Variants in FGF13 observed in about 807,000 individuals in gnomAD.
The protein encoded by FGF13 is fibroblast growth factor 13.
A neutral mutation model predicts 19.5 loss-of-function variants in FGF13; 2 were observed. The observed-to-expected ratio is 0.10, with a 90% CI of 0.04 to 0.32. The LOEUF is 0.32. Ranked by LOEUF, FGF13 falls within the 10% of genes least tolerant of loss-of-function variation. The probability of loss-of-function intolerance (pLI) is 1.00; values close to 1 mark genes in which losing one functional copy is unlikely to be tolerated. For synonymous variants in FGF13, 72 were observed against 76.9 expected (o/e 0.94, Z 0.33); for missense variants, 113 against 192.7 (o/e 0.59, Z 2.45).
intron 3 of FGF13, among the ~76,000 whole-genome samples, chrX:138,828,528 C>T (rs1250167948): frequency 1.9e-5 from 2 of 105,709 alleles, no homozygotes; most frequent in Non-Finnish European, 3.9e-5. Flanking sequence ...CGAGATCGCG[C>T]CACTGCACTC....
intron 1 of FGF13, among the ~76,000 whole-genome samples, chrX:138,885,273 G>A (rs1343426161): frequency 9.0e-6 from 1 of 111,406 alleles, no homozygotes; most frequent in Admixed American, 9.6e-5. Context: ...TCAGGACCAT[G>A]AATGGAACCA....
chrX:139,054,897 G>GTAT lies in FGF13; in HGVS notation c.-113+148518_-113+148519insATA, dbSNP rs1556347214. On this transcript the variant is annotated intron_variant, in intron 1 of 2. Transcript: ENST00000421460. ...GTGTTGTGTTGTGTTGTGTTGTGTT[G>GTAT]TGTTGTATTGTATTGTATTGTATTG... Among the ~76,000 whole-genome samples, 695 of 102,579 alleles carry GTAT rather than the reference G, an allele frequency of 6.8e-3. 4 individuals are homozygous for GTAT. The highest frequency in any genetic ancestry group is 0.014 in the African/African-American group (376 of 26,106). The allele number at this position is 102,579 out of a possible 115,157, so 89.1% of individuals were successfully genotyped here.
chrX:138,930,523 C>A (rs1217019963), intron 1 of FGF13, among the ~76,000 whole-genome samples: 1 of 111,750 alleles, frequency 8.9e-6, no homozygotes, highest in Non-Finnish European at 1.9e-5. Context: ...GATGTATGAA[C>A]AAAAACCTAG....
At chrX:138,822,895 G>A (rs1184124390) in intron 3 of FGF13, among the ~76,000 whole-genome samples, 1 of 111,832 alleles carries the variant, frequency 8.9e-6, no homozygotes, top group African/African-American at 3.3e-5. Context: ...TCCAAGTGTA[G>A]CAAATGGAAA....
chrX:138,784,119 A>G (rs535007980), intron 3 of FGF13, among the ~76,000 whole-genome samples: 2 of 89,936 alleles, frequency 2.2e-5, no homozygotes, highest in African/African-American at 8.2e-5. Context: ...GAACAATGAG[A>G]TCACATGGAC....
rs144738524 is a variant in FGF13, at chrX:138,732,695, C to T, written c.28+6547G>A. Among the ~76,000 whole-genome samples, 32 of 110,824 alleles carry T rather than the reference C, an allele frequency of 2.9e-4. No individual in the cohort carries two copies. In the East Asian group the frequency reaches 8.8e-3, roughly 31 times the overall value. On this transcript the variant is annotated intron_variant, in intron 1 of 4. Coordinates refer to the FGF13 transcript ENST00000305414. Reference sequence around the variant, plus strand: ...GCACGAGTATGTGTATTTTGAAAAACTGATAAAAGTACTTAACATCTGAGC... The same window carrying T: ...GCACGAGTATGTGTATTTTGAAAAATTGATAAAAGTACTTAACATCTGAGC...
rs1190734075 is a variant in FGF13 at position 138,625,486 on chromosome X, T to TATA, written c.*7361_*7363dup. The TATA allele has an allele frequency of 3.3e-5, 3 of 91,507 alleles. No homozygotes were observed. Among genetic ancestry groups the TATA allele is most frequent in the Admixed American group, 2.5e-4 (2 of 8,063 alleles). 7.5% of individuals were successfully genotyped at this position (91,507 alleles called of 1,213,427 possible). A position where few individuals can be genotyped will look rare whatever the true frequency, so the allele number is the denominator to read the frequency against. ...TATATATATACATATATATATATAA[T>TATA]ATATATATATACATATATATATATA... On this transcript the variant is annotated 3_prime_UTR_variant, in exon 5 of 5. Transcript: ENST00000315930.
At chrX:139,058,695 T>C (rs974654200) in intron 1 of FGF13, among the ~76,000 whole-genome samples, 6 of 111,847 alleles carry the variant, frequency 5.4e-5, no homozygotes, top group African/African-American at 2.0e-4. Flanking sequence ...ATCAGAACTG[T>C]TTATTAGCAC....
intron 1 of FGF13, among the ~76,000 whole-genome samples, chrX:138,947,091 A>T (rs944083438): frequency 1.8e-5 from 2 of 111,813 alleles, no homozygotes; most frequent in Non-Finnish European, 3.8e-5. Flanking sequence ...TTCAATGTAT[A>T]ATTAATCACT....
rs754249561 is a variant in FGF13 at position 139,146,740 on chromosome X, C to T, written c.-113+56676G>A. Among the ~76,000 whole-genome samples the T allele has an allele frequency of 3.6e-5, 4 of 111,835 alleles. No homozygotes were observed. The South Asian group carries it at 1.5e-3, about 42-fold the overall frequency. On this transcript the variant is annotated intron_variant, in intron 1 of 2. Transcript: ENST00000421460. ...AACCCAAATGTCCACCAATGATAGA[C>T]TGGATTAAGAAAATGTGGCACATAT...
chrX:138,675,091 A>G (rs2124178799), intron 3 of FGF13, among the ~76,000 whole-genome samples: 3 of 111,464 alleles, frequency 2.7e-5, no homozygotes, highest in Non-Finnish European at 5.7e-5. Context: ...TCTCATGGTT[A>G]TGGCTCTGAT....
At chrX:138,839,813 ATCTG>A (rs1463576259) in intron 3 of FGF13, among the ~76,000 whole-genome samples, 2 of 112,139 alleles carry the variant, frequency 1.8e-5, no homozygotes, top group Non-Finnish European at 3.8e-5. Flanking sequence ...TGTAAAAGCC[ATCTG>A]GCTTAGAAAA....
chrX:139,004,365 C>A (rs1474714895), intron 1 of FGF13, among the ~76,000 whole-genome samples: 1 of 112,728 alleles, frequency 8.9e-6, no homozygotes, highest in Non-Finnish European at 1.9e-5. Flanking sequence ...TCCAGCTGGC[C>A]GGCAAGCGCC....
chrX:138,817,979 C>T lies in FGF13; in HGVS notation c.217+39533G>A, dbSNP rs151046102. 9.7e-3 allele frequency among the ~76,000 whole-genome samples: 1,077 copies of T among 111,405 alleles called. 14 individuals are homozygous for T. Among genetic ancestry groups the T allele is most frequent in the African/African-American group, 0.033 (1,010 of 30,597 alleles). On this transcript the variant is annotated intron_variant, in intron 3 of 6. Coordinates refer to the FGF13 transcript ENST00000436198. The stretch of plus-strand genomic sequence containing the variant: ...AGTAAACTATTATTACCAAAACATA[C>T]AGTGGGTGAGATCAGGCTTTTGGGC...
At chrX:138,713,148 C>A (rs1241140649), upstream of FGF13, among the ~76,000 whole-genome samples, 1 of 112,536 alleles carries the variant, frequency 8.9e-6, no homozygotes, top group Non-Finnish European at 1.9e-5. Context: ...TTTCTACCTA[C>A]TCTTTTGTGC....
At chrX:138,647,220 A>G (rs776094599) in intron 3 of FGF13, among the ~76,000 whole-genome samples, 506 of 81,288 alleles carry the variant, frequency 6.2e-3, no homozygotes, top group African/African-American at 0.024. Context: ...ATCTCTGGGG[A>G]AAAAAAAAAA....
chrX:138,744,826 A>C lies in FGF13; in HGVS notation c.218-35898T>G, dbSNP rs995015757. ...ATTACTCAGAATCCAAGGCCATCAA[A>C]ATATGCTGAAGGTAGAAACTGGAGA... On this transcript the variant is annotated intron_variant, in intron 3 of 6. Transcript: ENST00000436198. Among the ~76,000 whole-genome samples the C allele has an allele frequency of 1.7e-4, 19 of 111,747 alleles. No homozygotes were observed. In the Admixed American group the frequency reaches 1.7e-3, roughly 10 times the overall value.
intron 1 of FGF13, among the ~76,000 whole-genome samples, chrX:138,978,421 C>T (rs777939430): frequency 3.6e-5 from 4 of 110,129 alleles, no homozygotes; most frequent in African/African-American, 1.3e-4. Context: ...CTCCACCACG[C>T]CTGGCTAATT....
At chrX:139,191,024 G>A (rs184648588) in intron 1 of FGF13, among the ~76,000 whole-genome samples, 3 of 111,591 alleles carry the variant, frequency 2.7e-5, no homozygotes, top group Non-Finnish European at 5.7e-5. Flanking sequence ...CTCCACATTC[G>A]GCATTTGAGT....
Sources: gnomAD v4.1 joint callset for allele counts (sites outside exome capture counted in the v4.1 genomes callset) on GRCh38, gnomAD v4.1.1 for gene constraint, MANE v1.5 for transcripts, NCBI Gene and HGNC (gene_info 2026-07-23, HGNC 2026-07-21) for gene names.